The following ITGAM variants were observed in gnomAD, a reference collection of about 807,000 sequenced individuals.
The protein encoded by ITGAM is integrin subunit alpha M, also known as integrin alpha-M.
In ITGAM, 79 loss-of-function variants were observed where a neutral mutation model predicts 137.5. That is an observed-to-expected ratio of 0.57 (90% confidence interval 0.48 to 0.69). ITGAM has a LOEUF of 0.69. Among genes scored for constraint, ITGAM ranks in the 30% least tolerant of loss-of-function variants. The pLI, the probability that ITGAM is intolerant of heterozygous loss-of-function variation, is 0.00. For synonymous variants in ITGAM, 583 were observed against 592.3 expected (o/e 0.98, Z 0.23); for missense variants, 1,343 against 1,483.5 (o/e 0.91, Z 1.56).
intron 8 of ITGAM, among the ~76,000 whole-genome samples, chr16:31,274,701 A>C (rs962796293): frequency 3.9e-5 from 6 of 151,928 alleles, no homozygotes; most frequent in Non-Finnish European, 8.8e-5. Flanking sequence ...TGCAACCTCC[A>C]CCTCCTGGGT....
At chr16:31,310,564 C>T (rs2080316050) in intron 14 of ITGAM, among the ~76,000 whole-genome samples, 1 of 152,162 alleles carries the variant, frequency 6.6e-6, no homozygotes, top group East Asian at 1.9e-4. Flanking sequence ...TTAAGGACTT[C>T]TCCGCATTGA....
chr16:31,281,201 C>G (rs2079965224), intron 12 of ITGAM, among the ~76,000 whole-genome samples: 1 of 152,082 alleles, frequency 6.6e-6, no homozygotes, highest in South Asian at 2.1e-4. Flanking sequence ...GTGTCTCTTC[C>G]AGGCTTTGGT....
At chr16:31,264,114 G>T (rs2079737395) in intron 2 of ITGAM, among the ~76,000 whole-genome samples, 1 of 151,984 alleles carries the variant, frequency 6.6e-6, no homozygotes, top group Admixed American at 6.5e-5. Context: ...GGGATTACAG[G>T]TGTGAGCCAC....
intron 12 of ITGAM, among the ~76,000 whole-genome samples, chr16:31,284,493 G>T (rs1475604714): frequency 2.0e-5 from 3 of 152,106 alleles, no homozygotes; most frequent in Non-Finnish European, 4.4e-5. Flanking sequence ...GCTAGCGTGA[G>T]CAAGGCTCCA....
chr16:31,301,513 A>G (rs2080197201), intron 14 of ITGAM, among the ~76,000 whole-genome samples: 1 of 152,202 alleles, frequency 6.6e-6, no homozygotes, highest in African/African-American at 2.4e-5. Flanking sequence ...GAGTCAAATA[A>G]CATTAAAAGA....
chr16:31,275,852 G>C (rs1467978866), intron 9 of ITGAM, among the ~76,000 whole-genome samples, 153 bp downstream of exon 9: 1 of 152,046 alleles, frequency 6.6e-6, no homozygotes, highest in African/African-American at 2.4e-5. Context: ...AGCCTCACTT[G>C]GTCAATTCCT....
chr16:31,298,862 C>G (rs2080166305), intron 14 of ITGAM, among the ~76,000 whole-genome samples: 1 of 152,150 alleles, frequency 6.6e-6, no homozygotes, highest in African/African-American at 2.4e-5. Flanking sequence ...ATCCTGATGA[C>G]TTGTCACCCT....
At chr16:31,267,658 T>C (rs972795264) in intron 5 of ITGAM, among the ~76,000 whole-genome samples, 1 of 151,912 alleles carries the variant, frequency 6.6e-6, no homozygotes, top group African/African-American at 2.4e-5. Context: ...CTTTCTTTTT[T>C]CTTTTTTTTT....
At chr16:31,305,674 G>A (rs1256038421) in intron 14 of ITGAM, among the ~76,000 whole-genome samples, 1 of 151,902 alleles carries the variant, frequency 6.6e-6, no homozygotes, top group Non-Finnish European at 1.5e-5. Context: ...AATCATAAAG[G>A]GATGCTGGAT....
intron 12 of ITGAM, among the ~76,000 whole-genome samples, chr16:31,293,205 T>A (rs548466043): frequency 6.6e-6 from 1 of 152,312 alleles, no homozygotes; most frequent in African/African-American, 2.4e-5. Context: ...TTCTTTAGGT[T>A]GTCTGTTCAC....
chr16:31,328,132 T>C lies in ITGAM; in HGVS notation c.2709-15T>C, dbSNP rs1597041684. 1.2e-6 allele frequency: 2 copies of C among 1,607,792 alleles called. No homozygotes were observed. The highest frequency in any genetic ancestry group is 1.7e-6 in the Non-Finnish European group (2 of 1,174,340). On this transcript the variant is annotated splice_polypyrimidine_tract_variant and intron_variant, in intron 22 of 29. Transcript: ENST00000544665. ...AGTTCTCAAGAGCCGGCTGGAGCTC[T>C]TTCTTTCCCTCCAGTGAGAACAACA...
chr16:31,325,153 C>T, intron 19 of ITGAM, 110 bp from the exon 20 acceptor site: 2 of 1,478,314 alleles, frequency 1.4e-6, no homozygotes, highest in Non-Finnish European at 1.8e-6. Flanking sequence ...TGTGGCTGCC[C>T]CTCCACTGTT....
rs1330776580 is a variant in ITGAM at position 31,265,512 on chromosome 16, C to T, written c.238+14C>T. The T allele has an allele frequency of 1.9e-6, 3 of 1,545,352 alleles. No homozygotes were observed. Among genetic ancestry groups the T allele is most frequent in the Admixed American group, 1.9e-5 (1 of 53,390 alleles). Reference sequence around the variant, plus strand: ...TCCGCCTGCAGGGTGAGTCACTGCCCCGCCGGGCTGGGACTGGGATTCCCC... The same window carrying T: ...TCCGCCTGCAGGGTGAGTCACTGCCTCGCCGGGCTGGGACTGGGATTCCCC... On this transcript the variant is annotated intron_variant, in intron 3 of 29. Transcript: ENST00000544665.
At position 31,321,330 on chromosome 16, in the gene ITGAM, A is replaced by G. The variant is rs2080447525; in HGVS notation, c.1797A>G (p.Val599=). The change falls in exon 15 of 30, where the codon GTA becomes GTG. Residue 599 remains valine, a synonymous_variant. Transcript: ENST00000544665. ...GGQDLTMDGL[V]DLTVGAQGHV... ...AGGACCTCACAATGGATGGACTGGTAGACCTGACTGTAGGAGCCCAGGGGC... is the reference window on the plus strand; with the variant it reads ...AGGACCTCACAATGGATGGACTGGTGGACCTGACTGTAGGAGCCCAGGGGC... The G allele has an allele frequency of 1.2e-6, 2 of 1,613,944 alleles. No individual in the cohort carries two copies. The highest frequency in any genetic ancestry group is 2.7e-5 in the African/African-American group (2 of 74,952).
chr16:31,275,870 C>A (rs2079901263), intron 9 of ITGAM, among the ~76,000 whole-genome samples, 171 bp downstream of exon 9: 1 of 152,144 alleles, frequency 6.6e-6, no homozygotes, highest in South Asian at 2.1e-4. Flanking sequence ...CCTTTGAAGT[C>A]AAAGAATCCA....
intron 14 of ITGAM, among the ~76,000 whole-genome samples, chr16:31,311,539 C>T (rs2080331602): frequency 6.6e-6 from 1 of 152,152 alleles, no homozygotes; most frequent in Non-Finnish European, 1.5e-5. Flanking sequence ...AAAAAATGCT[C>T]ATCATTACTG....
chr16:31,261,199 T>A (rs1394544187), intron 1 of ITGAM, among the ~76,000 whole-genome samples: 10 of 112,236 alleles, frequency 8.9e-5, no homozygotes, highest in African/African-American at 5.9e-4. Context: ...TGCTGCTATC[T>A]TTTTTTTTTT....
chr16:31,276,661 C>T lies in ITGAM; in HGVS notation c.1010-10C>T, dbSNP rs1329344841. 1 of 1,604,800 alleles carries T rather than the reference C, an allele frequency of 6.2e-7. No homozygotes were observed. The highest frequency in any genetic ancestry group is 1.7e-5 in the Admixed American group (1 of 59,016). On this transcript the variant is annotated splice_polypyrimidine_tract_variant and intron_variant, in intron 9 of 29. Transcript: ENST00000544665. Reference sequence around the variant, plus strand: ...GCTTTCTTTAATATAGAAACTTCTCCTCTTTACAGGTACTCAGACAGGAAG... The same window carrying T: ...GCTTTCTTTAATATAGAAACTTCTCTTCTTTACAGGTACTCAGACAGGAAG...
At chr16:31,262,321 C>CTTTCCCT (rs1440779399) in intron 2 of ITGAM, among the ~76,000 whole-genome samples, 5 of 143,292 alleles carry the variant, frequency 3.5e-5, no homozygotes, top group African/African-American at 1.3e-4. Flanking sequence ...CTCCTTCCCT[C>CTTTCCCT]CCTTCCCTCC....
Sources: allele counts gnomAD v4.1 joint callset (sites outside exome capture counted in the v4.1 genomes callset), GRCh38; gene constraint gnomAD v4.1.1; transcripts MANE v1.5; gene names NCBI Gene and HGNC (gene_info 2026-07-23, HGNC 2026-07-21).